Variants in POU2F1 observed in about 807,000 individuals in gnomAD.
The protein encoded by POU2F1 is POU domain, class 2, transcription factor 1.
A neutral mutation model predicts 84.9 loss-of-function variants in POU2F1; 16 were observed. That is an observed-to-expected ratio of 0.19 (90% confidence interval 0.13 to 0.29). POU2F1 has a LOEUF of 0.29. POU2F1 is among the 10% of genes least tolerant of loss of function. The pLI, the probability that POU2F1 is intolerant of heterozygous loss-of-function variation, is 1.00. For missense variants in POU2F1, 738 were observed against 942.6 expected, an observed-to-expected ratio of 0.78 and a Z score of 2.84; for synonymous variants, 368 against 368.3, an observed-to-expected ratio of 1.00 and a Z score of 0.01.
rs1005293953 is a variant in POU2F1 at position 167,421,527 on chromosome 1, C to T, written c.*5717C>T. The T allele has an allele frequency of 3.3e-5, 5 of 152,154 alleles. No homozygotes were observed. Among genetic ancestry groups the T allele is most frequent in the Admixed American group, 1.3e-4 (2 of 15,280 alleles). The allele number at this position is 152,154 out of a possible 1,614,324, so 9.4% of individuals were successfully genotyped here. On this transcript the variant is annotated 3_prime_UTR_variant, in exon 16 of 16. Transcript: ENST00000367866. ...AAAAATTTTGTAGTTTTCTTCTAAC[C>T]TTATTCATTAAGTAGTTCCTTGTTT...
At chr1:167,234,560 T>C (rs370665458) in intron 1 of POU2F1, among the ~76,000 whole-genome samples, 256 of 152,192 alleles carry the variant, frequency 1.7e-3, no homozygotes, top group African/African-American at 5.9e-3. Flanking sequence ...AGCGAGACCT[T>C]CTCTCTGCAA....
chr1:167,256,132 T>G (rs1182043309), intron 1 of POU2F1, among the ~76,000 whole-genome samples: 1 of 152,184 alleles, frequency 6.6e-6, no homozygotes. Flanking sequence ...GAAAGATTCT[T>G]TGTGCTTAAA....
chr1:167,320,551 A>G (rs1233492105), intron 1 of POU2F1, among the ~76,000 whole-genome samples: 2 of 152,230 alleles, frequency 1.3e-5, no homozygotes, highest in African/African-American at 4.8e-5. Flanking sequence ...AAGAGGGACA[A>G]TAATTTTTCC....
intron 1 of POU2F1, among the ~76,000 whole-genome samples, chr1:167,233,381 T>C (rs1649213040): frequency 6.6e-6 from 1 of 151,906 alleles, no homozygotes; most frequent in Non-Finnish European, 1.5e-5. Flanking sequence ...CAAGCAGTCC[T>C]CTTGGCTTGG....
intron 13 of POU2F1, among the ~76,000 whole-genome samples, chr1:167,402,456 G>T (rs6667971): frequency 0.15 from 23,176 of 152,048 alleles, 2,013 homozygotes; most frequent in Non-Finnish European, 0.2. Flanking sequence ...AGAACATTTT[G>T]TTTATTGTTT....
chr1:167,333,958 A>G (rs1257669782), intron 2 of POU2F1, among the ~76,000 whole-genome samples: 3 of 152,110 alleles, frequency 2.0e-5, no homozygotes, highest in Non-Finnish European at 2.9e-5. Flanking sequence ...GGCAGTGGGC[A>G]GGACACCTGT....
At chr1:167,360,934 G>A (rs6694060) in intron 2 of POU2F1, among the ~76,000 whole-genome samples, 3 of 152,036 alleles carry the variant, frequency 2.0e-5, no homozygotes, top group Non-Finnish European at 2.9e-5. Context: ...TTCCTAGCTG[G>A]TTTTATTTTA....
At chr1:167,286,031 A>G (rs1171497564) in intron 1 of POU2F1, among the ~76,000 whole-genome samples, 1 of 152,196 alleles carries the variant, frequency 6.6e-6, no homozygotes, top group Non-Finnish European at 1.5e-5. Context: ...AATGAAAGGT[A>G]TGGCTGGAAA....
At position 167,262,466 on chromosome 1, in the gene POU2F1, A is replaced by G. The variant is rs191716870; in HGVS notation, c.61+41508A>G. Among the ~76,000 whole-genome samples the G allele has an allele frequency of 3.3e-5, 5 of 152,358 alleles. No homozygotes were observed. In the East Asian group the frequency reaches 9.6e-4, roughly 29 times the overall value. On this transcript the variant is annotated intron_variant, in intron 1 of 15. Coordinates refer to ENST00000367866, the MANE Select transcript of POU2F1 (RefSeq NM_002697.4). ...CTTTGTTCAGCGAATTGCGGGAAAC[A>G]CAAGATGAATCAGAAACCGTATCTG... is the stretch of plus-strand genomic sequence containing the variant.
intron 1 of POU2F1, among the ~76,000 whole-genome samples, chr1:167,248,459 G>C (rs1650497922): frequency 6.6e-6 from 1 of 152,216 alleles, no homozygotes; most frequent in African/African-American, 2.4e-5. Flanking sequence ...GTTCGGTAGG[G>C]AAAGGGAGGC....
At chr1:167,373,077 T>C (rs1660111805) in intron 5 of POU2F1, among the ~76,000 whole-genome samples, 2 of 152,066 alleles carry the variant, frequency 1.3e-5, no homozygotes, top group African/African-American at 4.8e-5. Flanking sequence ...AAAATATATC[T>C]ATACTTTATA....
Position 167,415,640 on chromosome 1 carries a change from A to G in POU2F1, c.2131A>G (p.Asn711Asp). ...NPQNLSLLTS[N>D]PVSLVSAAAA... ...TCAGAACCTCTCTCTGCTCACCAGC[A>G]ACCCTGTTAGCTTGGTCTCTGCCGC... The change falls in exon 16 of 16, where the codon AAC becomes GAC. Residue 711 changes from asparagine (N) to aspartate (D), a missense_variant. Asn to Asp is a conservative substitution (Grantham distance 23). Around this residue, in one of 4 missense-constraint regions of POU2F1, gnomAD observed 319 missense variants for 386.0 expected, o/e 0.83. Coordinates refer to ENST00000367866, the MANE Select transcript of POU2F1 (RefSeq NM_002697.4). The G allele has an allele frequency of 6.2e-7, 1 of 1,614,216 alleles. No homozygotes were observed. The highest frequency in any genetic ancestry group is 8.5e-7 in the Non-Finnish European group (1 of 1,180,034).
At chr1:167,306,172 G>T (rs1655051318) in intron 1 of POU2F1, among the ~76,000 whole-genome samples, 1 of 152,132 alleles carries the variant, frequency 6.6e-6, no homozygotes, top group Non-Finnish European at 1.5e-5. Flanking sequence ...TGTTCACCTG[G>T]CCAGAGGTGC....
intron 1 of POU2F1, among the ~76,000 whole-genome samples, chr1:167,320,746 A>G (rs982868957): frequency 2.0e-5 from 3 of 152,228 alleles, no homozygotes; most frequent in African/African-American, 7.2e-5. Context: ...TAGCAAATCT[A>G]GAGTCTTCTC....
At chr1:167,329,310 G>A in intron 1 of POU2F1, 1 of 1,548,278 alleles carries the variant, frequency 6.5e-7, no homozygotes, top group Non-Finnish European at 8.7e-7. Context: ...GTTCTAGGTG[G>A]GTACCAGCAC....
rs1474704215 is a variant in POU2F1 at position 167,355,319 on chromosome 1, A to C, written c.128-10148A>C. Reference sequence around the variant, plus strand: ...CCCTTCCTCACCTCTGTCATGTTTCAAGTGTTCATAGGTGTGTGTACCTCT... The same window carrying C: ...CCCTTCCTCACCTCTGTCATGTTTCCAGTGTTCATAGGTGTGTGTACCTCT... On this transcript the variant is annotated intron_variant, in intron 2 of 15. Transcript: ENST00000367866. 7.2e-5 allele frequency among the ~76,000 whole-genome samples: 11 copies of C among 152,104 alleles called. No individual in the cohort carries two copies. In the South Asian group the frequency reaches 2.1e-3, roughly 29 times the overall value.
At chr1:167,345,434 CAA>C (rs1402294110) in intron 2 of POU2F1, among the ~76,000 whole-genome samples, 1 of 151,890 alleles carries the variant, frequency 6.6e-6, no homozygotes, top group African/African-American at 2.4e-5. Context: ...ACAGGGAAAA[CAA>C]AACTGGGAAT....
intron 2 of POU2F1, among the ~76,000 whole-genome samples, chr1:167,363,189 A>T (rs1011612885): frequency 2.0e-5 from 3 of 152,180 alleles, no homozygotes; most frequent in African/African-American, 7.2e-5. Flanking sequence ...TGGCAACTTG[A>T]AAGTGGAACC....
At chr1:167,368,505 T>C (rs1659824921) in intron 3 of POU2F1, among the ~76,000 whole-genome samples, 2 of 152,168 alleles carry the variant, frequency 1.3e-5, no homozygotes, top group Non-Finnish European at 2.9e-5. Context: ...ACTGTGTAAA[T>C]ATCCCATTCC....
Sources: allele counts gnomAD v4.1 joint callset (sites outside exome capture counted in the v4.1 genomes callset), GRCh38; gene constraint gnomAD v4.1.1; regional missense constraint gnomAD v4.1.1; transcripts MANE v1.5; gene names NCBI Gene and HGNC (gene_info 2026-07-23, HGNC 2026-07-21).